Variants in APBA2 observed in about 807,000 individuals in gnomAD.
The protein encoded by APBA2 is amyloid-beta A4 precursor protein-binding family A member 2.
APBA2 carries 30 observed loss-of-function variants against 75.0 expected under a neutral mutation model. That is an observed-to-expected ratio of 0.40 (90% CI 0.30 to 0.54). The LOEUF is 0.54. Ranked by LOEUF, APBA2 falls within the 20% of genes least tolerant of loss-of-function variation. The pLI is 0.49. For synonymous variants in APBA2, 444 were observed against 409.6 expected, an observed-to-expected ratio of 1.08 and a Z score of -1.01; for missense variants, 801 against 1,016.1, an observed-to-expected ratio of 0.79 and a Z score of 2.88.
intron 6 of APBA2, among the ~76,000 whole-genome samples, chr15:29,091,026 G>T (rs1444249923): frequency 6.6e-6 from 1 of 152,118 alleles, no homozygotes; most frequent in Non-Finnish European, 1.5e-5. Context: ...GATGGGTCCT[G>T]TTCCCTCTGT....
At chr15:29,071,894 C>G (rs1274328463) in intron 4 of APBA2, among the ~76,000 whole-genome samples, 1 of 152,014 alleles carries the variant, frequency 6.6e-6, no homozygotes, top group Non-Finnish European at 1.5e-5. Context: ...CGTGGACACC[C>G]CATACTATGG....
At chr15:28,966,034 C>G (rs541547340) in intron 2 of APBA2, among the ~76,000 whole-genome samples, 1 of 152,134 alleles carries the variant, frequency 6.6e-6, no homozygotes, top group South Asian at 2.1e-4. Context: ...TCATTGATTT[C>G]TAGTTGGAGT....
intron 3 of APBA2, among the ~76,000 whole-genome samples, chr15:29,050,054 A>T (rs2041521658): frequency 6.6e-6 from 1 of 152,238 alleles, no homozygotes; most frequent in South Asian, 2.1e-4. Context: ...TCATAAAATT[A>T]AAAAAGACCC....
intron 3 of APBA2, among the ~76,000 whole-genome samples, chr15:29,053,158 A>T (rs2152886503): frequency 6.6e-6 from 1 of 152,184 alleles, no homozygotes; most frequent in East Asian, 1.9e-4. Flanking sequence ...ACCCCACGAT[A>T]CCTGCAGGCT....
intron 2 of APBA2, among the ~76,000 whole-genome samples, chr15:28,945,486 G>A (rs1442506768): frequency 1.3e-5 from 2 of 151,746 alleles, no homozygotes; most frequent in African/African-American, 2.4e-5. Context: ...GTTATTGGTG[G>A]CTAGACATCT....
intron 2 of APBA2, among the ~76,000 whole-genome samples, chr15:28,956,697 A>G (rs1001077463): frequency 5.9e-5 from 9 of 152,110 alleles, no homozygotes; most frequent in Admixed American, 6.6e-5. Context: ...TGCAAAACTG[A>G]AACTCTGTCC....
intron 2 of APBA2, among the ~76,000 whole-genome samples, chr15:28,983,192 C>T (rs1326351845): frequency 6.6e-6 from 1 of 152,188 alleles, no homozygotes; most frequent in African/African-American, 2.4e-5. Context: ...ACATTTCCCT[C>T]AACACCTGCA....
At chr15:28,910,910 G>A (rs945760531) in intron 1 of APBA2, among the ~76,000 whole-genome samples, 1 of 152,114 alleles carries the variant, frequency 6.6e-6, no homozygotes, top group African/African-American at 2.4e-5. Context: ...AGGGCCCATC[G>A]TCTTGATTTT....
Position 29,113,963 on chromosome 15 carries a change from G to T in APBA2, c.2125G>T (p.Val709Leu). The T allele has an allele frequency of 6.2e-7, 1 of 1,613,756 alleles. No individual in the cohort carries two copies. Among genetic ancestry groups the T allele is most frequent in the Non-Finnish European group, 8.5e-7 (1 of 1,180,032 alleles). The change falls in exon 14 of 15, where the codon GTG (valine) becomes TTG (leucine). Residue 709 changes from valine (V) to leucine (L), a missense_variant. Transcript: ENST00000683413. Reference sequence around the variant, plus strand: ...CATCGAGATCAACGGGCAGAGCGTGGTGGCCACAGCCCACGAGAAGATAGT... The same window carrying T: ...CATCGAGATCAACGGGCAGAGCGTGTTGGCCACAGCCCACGAGAAGATAGT... ...RIIEINGQSVVATAHEKIVQA... is the reference protein window; with the variant it reads ...RIIEINGQSVLATAHEKIVQA...
chr15:28,938,080 T>A (rs900091008), intron 2 of APBA2, among the ~76,000 whole-genome samples: 4 of 152,164 alleles, frequency 2.6e-5, no homozygotes, highest in African/African-American at 7.2e-5. Context: ...TAAGCAGGTG[T>A]CCTGAGGTCA....
chr15:29,007,551 A>T (rs1379960613), intron 3 of APBA2, among the ~76,000 whole-genome samples: 1 of 152,248 alleles, frequency 6.6e-6, no homozygotes, highest in Non-Finnish European at 1.5e-5. Context: ...CCACCTGATT[A>T]ACAAACGAAC....
At chr15:28,942,597 C>A (rs987745485) in intron 2 of APBA2, among the ~76,000 whole-genome samples, 1 of 152,182 alleles carries the variant, frequency 6.6e-6, no homozygotes, top group South Asian at 2.1e-4. Context: ...GTTGGACCCA[C>A]CTGCCTGATG....
At chr15:28,968,505 C>T (rs560124973) in intron 2 of APBA2, among the ~76,000 whole-genome samples, 2 of 152,312 alleles carry the variant, frequency 1.3e-5, no homozygotes, top group African/African-American at 2.4e-5. Context: ...CTCTCTCCTG[C>T]ACATTGGCAG....
intron 3 of APBA2, among the ~76,000 whole-genome samples, chr15:29,006,698 T>A (rs2039134678): frequency 6.6e-6 from 1 of 152,252 alleles, no homozygotes; most frequent in African/African-American, 2.4e-5. Context: ...CTCATGAGAT[T>A]TATTCACTAC....
intron 7 of APBA2, 24 bp from the exon 8 acceptor site, chr15:29,094,254 T>C (rs2043732632): frequency 1.9e-6 from 3 of 1,614,108 alleles, no homozygotes; most frequent in Non-Finnish European, 1.7e-6. Context: ...CAACTTGTTT[T>C]TCTTTTCTCT....
At chr15:29,069,252 C>G (rs1293254227) in intron 4 of APBA2, among the ~76,000 whole-genome samples, 2 of 152,186 alleles carry the variant, frequency 1.3e-5, no homozygotes, top group Non-Finnish European at 2.9e-5. Flanking sequence ...TATTAATCCA[C>G]TCATCCACTG....
chr15:29,033,081 A>C (rs978980393), intron 3 of APBA2, among the ~76,000 whole-genome samples: 6 of 152,176 alleles, frequency 3.9e-5, no homozygotes, highest in African/African-American at 1.4e-4. Flanking sequence ...CTGAGGTTGC[A>C]CTGTGGGCCC....
chr15:29,050,940 T>C (rs2041566169), intron 3 of APBA2, among the ~76,000 whole-genome samples: 1 of 151,348 alleles, frequency 6.6e-6, no homozygotes, highest in African/African-American at 2.5e-5. Flanking sequence ...TGTGTGCTCA[T>C]GTGCCAGTGA....
chr15:28,959,339 T>C (rs1277923727), intron 2 of APBA2, among the ~76,000 whole-genome samples: 1 of 152,210 alleles, frequency 6.6e-6, no homozygotes, highest in Non-Finnish European at 1.5e-5. Flanking sequence ...TGTTGAAATC[T>C]TCACCCCCAG....
Sources: gnomAD v4.1 joint callset for allele counts (sites outside exome capture counted in the v4.1 genomes callset) on GRCh38, gnomAD v4.1.1 for gene constraint, MANE v1.5 for transcripts, NCBI Gene and HGNC (gene_info 2026-07-23, HGNC 2026-07-21) for gene names.